CSMD1: variants seen among roughly 807,000 people sequenced by gnomAD.
CSMD1 encodes CUB and sushi domain-containing protein 1.
Under a neutral mutation model 417.5 loss-of-function variants are expected in CSMD1, and 213 were observed. The ratio of observed to expected loss-of-function variants is 0.51; its 90% confidence interval spans 0.46 to 0.57. The LOEUF (loss-of-function observed/expected upper bound fraction) is 0.57, where lower values mean the gene tolerates loss of function less well. CSMD1 is among the 20% of genes least tolerant of loss of function. CSMD1 has a pLI of 0.00. For synonymous variants in CSMD1, 2,862 were observed against 1,736.8 expected, an observed-to-expected ratio of 1.65 and a Z score of -16.11; for missense variants, 6,923 against 4,529.7, an observed-to-expected ratio of 1.53 and a Z score of -15.17.
chr8:3,947,078 G>T (rs1811278619), intron 5 of CSMD1, among the ~76,000 whole-genome samples: 1 of 152,116 alleles, frequency 6.6e-6, no homozygotes, highest in Non-Finnish European at 1.5e-5. Context: ...TTGAATAGTT[G>T]TAAAAGTGGA....
intron 3 of CSMD1, among the ~76,000 whole-genome samples, chr8:4,215,772 T>G (rs1041390521): frequency 2.0e-5 from 3 of 152,210 alleles, no homozygotes; most frequent in African/African-American, 7.2e-5. Context: ...AAAACATTGT[T>G]TTCTTGGTGG....
At chr8:3,615,652 T>C (rs1035912849) in intron 8 of CSMD1, among the ~76,000 whole-genome samples, 2 of 152,224 alleles carry the variant, frequency 1.3e-5, no homozygotes, top group Admixed American at 6.5e-5. Flanking sequence ...CGACCGTTGT[T>C]ACTCCAATTT....
intron 3 of CSMD1, among the ~76,000 whole-genome samples, chr8:4,308,999 G>C (rs1035063623): frequency 6.6e-6 from 1 of 152,026 alleles, no homozygotes; most frequent in African/African-American, 2.4e-5. Context: ...CCTAAAACTA[G>C]GTGAGAAAAT....
chr8:3,128,904 T>C (rs1346985393), intron 41 of CSMD1: 3 of 452,998 alleles, frequency 6.6e-6, no homozygotes, highest in Admixed American at 4.8e-5. Context: ...GATCCTCCTA[T>C]TGCAAGAGAC....
chr8:3,451,185 G>C (rs1300133448), intron 12 of CSMD1, among the ~76,000 whole-genome samples: 3 of 152,174 alleles, frequency 2.0e-5, no homozygotes, highest in Non-Finnish European at 4.4e-5. Context: ...TTGTAAATTT[G>C]TTTGAGTTCA....
intron 5 of CSMD1, among the ~76,000 whole-genome samples, chr8:3,772,469 A>T (rs1296296165): frequency 5.1e-5 from 3 of 59,184 alleles, no homozygotes; most frequent in Non-Finnish European, 3.7e-5. Context: ...ACATATATAC[A>T]CATATATATA....
chr8:4,985,555 A>G (rs1254885627), intron 1 of CSMD1, among the ~76,000 whole-genome samples: 3 of 152,216 alleles, frequency 2.0e-5, no homozygotes, highest in Non-Finnish European at 2.9e-5. Flanking sequence ...ATCATTGTTA[A>G]GGATCATATC....
Position 3,598,252 on chromosome 8 carries a change from A to C in CSMD1, c.1098-11992T>G, listed in dbSNP as rs556756939. Reference sequence around the variant, plus strand: ...TATACTGTGCTGTGTAGATGCATGAACTCCAGCTGTAAACATCCCCAGAAA... The same window carrying C: ...TATACTGTGCTGTGTAGATGCATGACCTCCAGCTGTAAACATCCCCAGAAA... On this transcript the variant is annotated intron_variant, in intron 8 of 69. Transcript: ENST00000635120. The C allele has an allele frequency of 2.7e-5, 4 of 150,830 alleles. No homozygotes were observed. In the South Asian group the frequency reaches 8.4e-4, roughly 32 times the overall value. The allele number at this position is 150,830 out of a possible 1,614,324, so 9.3% of individuals were successfully genotyped here. A position where few individuals can be genotyped will look rare whatever the true frequency, so the allele number is the denominator to read the frequency against.
chr8:4,905,799 C>A (rs373084811), intron 1 of CSMD1, among the ~76,000 whole-genome samples: 102 of 125,236 alleles, frequency 8.1e-4, no homozygotes, highest in African/African-American at 1.9e-3. Context: ...CAGCCTGGGC[C>A]ACAGAGCGAG....
Position 4,220,132 on chromosome 8 carries a change from G to A in CSMD1, c.416-188033C>T, listed in dbSNP as rs183515440. Among the ~76,000 whole-genome samples, 522 of 152,112 alleles carry A rather than the reference G, an allele frequency of 3.4e-3. 4 individuals carry two copies. The highest frequency in any genetic ancestry group is 6.9e-3 in the Admixed American group (105 of 15,286). ...GCCCAGCTGATTTTTTGTATTTTCA[G>A]TAGAGACAGGGTTTTGCCATGTCGG... On this transcript the variant is annotated intron_variant, in intron 3 of 69. Transcript: ENST00000635120.
At chr8:3,494,730 G>T (rs1218393582) in intron 10 of CSMD1, among the ~76,000 whole-genome samples, 1 of 152,188 alleles carries the variant, frequency 6.6e-6, no homozygotes, top group African/African-American at 2.4e-5. Context: ...GAGAGACGCA[G>T]AGGGTGTGAG....
At chr8:4,115,109 CT>C (rs1236611895) in intron 3 of CSMD1, among the ~76,000 whole-genome samples, 1 of 152,108 alleles carries the variant, frequency 6.6e-6, no homozygotes, top group African/African-American at 2.4e-5. Flanking sequence ...AGAGATAAAT[CT>C]TTCATGAAAA....
chr8:3,565,439 C>T (rs1468638048), intron 10 of CSMD1, among the ~76,000 whole-genome samples: 2 of 152,114 alleles, frequency 1.3e-5, no homozygotes, highest in African/African-American at 4.8e-5. Flanking sequence ...TCTACTTCTC[C>T]ACCAATCCGT....
At chr8:4,100,488 G>T (rs968448128) in intron 3 of CSMD1, among the ~76,000 whole-genome samples, 1 of 152,108 alleles carries the variant, frequency 6.6e-6, no homozygotes, top group African/African-American at 2.4e-5. Flanking sequence ...CTAAGCCTTA[G>T]TCTCATCAAC....
intron 39 of CSMD1, among the ~76,000 whole-genome samples, chr8:3,155,729 G>T (rs1280343277): frequency 6.6e-6 from 1 of 152,194 alleles, no homozygotes; most frequent in South Asian, 2.1e-4. Context: ...TGTTAATCTA[G>T]ACATTTATTT....
chr8:2,941,255 G>T (rs1208953160), intron 69 of CSMD1, among the ~76,000 whole-genome samples: 1 of 152,116 alleles, frequency 6.6e-6, no homozygotes, highest in Non-Finnish European at 1.5e-5. Flanking sequence ...CACCTTTGAA[G>T]CAACATTTTC....
chr8:3,920,364 T>TGTGTGG (rs1809154548), intron 5 of CSMD1, among the ~76,000 whole-genome samples: 1 of 151,952 alleles, frequency 6.6e-6, no homozygotes, highest in African/African-American at 2.4e-5. Flanking sequence ...TGTGTTTGTG[T>TGTGTGG]GTGTGTGTGT....
At chr8:3,388,091 C>T (rs149186794) in intron 17 of CSMD1, among the ~76,000 whole-genome samples, 183 of 152,206 alleles carry the variant, frequency 1.2e-3, no homozygotes, top group African/African-American at 3.8e-3. Flanking sequence ...TTTATATATT[C>T]CAGTTAGATT....
At chr8:3,163,188 G>C (rs1820001180) in intron 37 of CSMD1, among the ~76,000 whole-genome samples, 1 of 152,136 alleles carries the variant, frequency 6.6e-6, no homozygotes, top group Non-Finnish European at 1.5e-5. Context: ...AGGGCTTGTT[G>C]AATACAAATA....
Sources: gnomAD v4.1 joint callset for allele counts (sites outside exome capture counted in the v4.1 genomes callset) on GRCh38, gnomAD v4.1.1 for gene constraint, MANE v1.5 for transcripts, NCBI Gene and HGNC (gene_info 2026-07-23, HGNC 2026-07-21) for gene names.